Variants in RBFOX1 observed in about 807,000 individuals in gnomAD.
RBFOX1 encodes the protein RNA binding protein fox-1 homolog 1.
RBFOX1 carries 8 observed loss-of-function variants against 57.7 expected under a neutral mutation model. The observed-to-expected ratio is 0.14, with a 90% CI of 0.08 to 0.25. RBFOX1 has a LOEUF of 0.25. Ranked by LOEUF, RBFOX1 falls within the 10% of genes least tolerant of loss-of-function variation. The probability of loss-of-function intolerance (pLI) is 1.00; values close to 1 mark genes in which losing one functional copy is unlikely to be tolerated. For missense variants in RBFOX1, 611 were observed against 548.5 expected (o/e 1.11, Z -1.14); for synonymous variants, 326 against 222.4 (o/e 1.47, Z -4.15).
At chr16:7,209,262 G>C (rs2090631122) in intron 4 of RBFOX1, among the ~76,000 whole-genome samples, 1 of 152,020 alleles carries the variant, frequency 6.6e-6, no homozygotes, top group Admixed American at 6.5e-5. Context: ...TTGAACCCAA[G>C]AGGCAGAGGT....
At chr16:6,456,402 G>A (rs1346902722) in intron 2 of RBFOX1, among the ~76,000 whole-genome samples, 1 of 152,120 alleles carries the variant, frequency 6.6e-6, no homozygotes. Flanking sequence ...CTGAAGTTCT[G>A]GGCTCAAGCA....
chr16:6,927,501 C>G (rs1031518326), intron 3 of RBFOX1, among the ~76,000 whole-genome samples: 1 of 148,342 alleles, frequency 6.7e-6, no homozygotes, highest in Non-Finnish European at 1.5e-5. Context: ...CTCTTTCTTT[C>G]CACATGGAAG....
At chr16:6,949,198 A>G (rs2080187846) in intron 3 of RBFOX1, among the ~76,000 whole-genome samples, 1 of 152,168 alleles carries the variant, frequency 6.6e-6, no homozygotes, top group African/African-American at 2.4e-5. Context: ...AAAAGCTACA[A>G]AAGCTAAATT....
chr16:7,002,294 C>T lies in RBFOX1; in HGVS notation c.-15-49763C>T, dbSNP rs28408354. ...TTTGGAACTTTGCAAGCATGTGAGCCAGTGCATTTTCTTGTATCCTCTAAA... is the reference window on the plus strand; with the variant it reads ...TTTGGAACTTTGCAAGCATGTGAGCTAGTGCATTTTCTTGTATCCTCTAAA... On this transcript the variant is annotated intron_variant, in intron 3 of 15. Coordinates refer to ENST00000550418, the MANE Select transcript of RBFOX1 (RefSeq NM_018723.4). Among the ~76,000 whole-genome samples, 466 of 152,304 alleles carry T rather than the reference C, an allele frequency of 3.1e-3. 5 individuals are homozygous for T. The highest frequency in any genetic ancestry group is 0.011 in the African/African-American group (448 of 41,550).
chr16:6,516,967 A>G (rs150204844), intron 2 of RBFOX1, among the ~76,000 whole-genome samples: 1 of 152,294 alleles, frequency 6.6e-6, no homozygotes, highest in East Asian at 1.9e-4. Flanking sequence ...GGGGGCAGAG[A>G]TAAAGTATGA....
At chr16:7,345,567 C>T (rs1244628286) in intron 4 of RBFOX1, among the ~76,000 whole-genome samples, 1 of 152,128 alleles carries the variant, frequency 6.6e-6, no homozygotes, top group Non-Finnish European at 1.5e-5. Context: ...TGTGGGCGCC[C>T]AGCAGATGTT....
intron 3 of RBFOX1, among the ~76,000 whole-genome samples, chr16:5,845,689 A>G (rs1164190151): frequency 6.6e-6 from 1 of 152,170 alleles, no homozygotes; most frequent in Non-Finnish European, 1.5e-5. Flanking sequence ...TTAAGATGAA[A>G]CTTAAAATCC....
intron 3 of RBFOX1, among the ~76,000 whole-genome samples, chr16:6,833,605 G>A (rs1322506142): frequency 1.3e-5 from 2 of 152,184 alleles, no homozygotes. Context: ...TTAGTATGTT[G>A]TTAAAGTTAC....
rs184787824 is a variant in RBFOX1, at chr16:7,491,915, T to C, written c.28-26232T>C. Among the ~76,000 whole-genome samples the C allele has an allele frequency of 2.0e-3, 312 of 152,334 alleles. 1 individual carries two copies. The highest frequency in any genetic ancestry group is 3.5e-3 in the South Asian group (17 of 4,830). Reference sequence around the variant, plus strand: ...TCTTCCAAATCTGGCTAATTTTCATTGTACCACTCCGTGTGTTCCTTTTTT... The same window carrying C: ...TCTTCCAAATCTGGCTAATTTTCATCGTACCACTCCGTGTGTTCCTTTTTT... On this transcript the variant is annotated intron_variant, in intron 4 of 15. Coordinates refer to ENST00000550418, the MANE Select transcript of RBFOX1 (RefSeq NM_018723.4).
At chr16:7,177,538 G>C (rs973904250) in intron 4 of RBFOX1, among the ~76,000 whole-genome samples, 2 of 151,980 alleles carry the variant, frequency 1.3e-5, no homozygotes, top group Non-Finnish European at 2.9e-5. Flanking sequence ...GCTTTATATG[G>C]TTTTCTACCT....
chr16:6,346,495 C>A (rs75048589), intron 2 of RBFOX1, among the ~76,000 whole-genome samples: 56 of 142,688 alleles, frequency 3.9e-4, no homozygotes, highest in African/African-American at 1.4e-3. Context: ...ACTGTTCCAA[C>A]GAGGCAAGGC....
At chr16:6,440,685 C>T (rs188075529) in intron 2 of RBFOX1, among the ~76,000 whole-genome samples, 35 of 151,572 alleles carry the variant, frequency 2.3e-4, no homozygotes, top group Admixed American at 1.6e-3. Context: ...TCTGTAGTCC[C>T]AACTACTTGG....
rs181736462 is a variant in RBFOX1, at chr16:6,181,078, T to C, written c.-126-135917T>C. On this transcript the variant is annotated intron_variant, in intron 1 of 15. Coordinates refer to ENST00000550418, the MANE Select transcript of RBFOX1 (RefSeq NM_018723.4). Reference sequence around the variant, plus strand: ...AGTATTTAGACTCTACTGGTTCCTTTGGTATCACCTCTGCATCTGCACACT... The same window carrying C: ...AGTATTTAGACTCTACTGGTTCCTTCGGTATCACCTCTGCATCTGCACACT... 5.9e-5 allele frequency among the ~76,000 whole-genome samples: 9 copies of C among 152,310 alleles called. No homozygotes were observed. The East Asian group carries it at 1.5e-3, about 26-fold the overall frequency.
At chr16:7,007,259 C>G (rs1447064903) in intron 3 of RBFOX1, among the ~76,000 whole-genome samples, 7 of 152,148 alleles carry the variant, frequency 4.6e-5, no homozygotes, top group Non-Finnish European at 8.8e-5. Context: ...TTTTTACGTC[C>G]TTTTGTGAAG....
intron 3 of RBFOX1, among the ~76,000 whole-genome samples, chr16:6,831,849 T>A (rs546815462): frequency 2.6e-4 from 40 of 152,288 alleles, no homozygotes; most frequent in African/African-American, 9.4e-4. Flanking sequence ...CAGCTGTGAA[T>A]GCTAGGGAGC....
At position 7,669,178 on chromosome 16, in the gene RBFOX1, A is replaced by G. The variant is rs111939886; in HGVS notation, c.930+4210A>G. ...CTTGGCCTCCCAAAGTGCTGGGATT[A>G]CAGGTGTGACCCACCATGACTGACC... On this transcript the variant is annotated intron_variant, in intron 13 of 15. Transcript: ENST00000550418. Among the ~76,000 whole-genome samples, 1,341 of 152,332 alleles carry G rather than the reference A, an allele frequency of 8.8e-3. 21 individuals are homozygous for G. Among genetic ancestry groups the G allele is most frequent in the African/African-American group, 0.031 (1,289 of 41,586 alleles).
intron 2 of RBFOX1, among the ~76,000 whole-genome samples, chr16:6,650,085 A>G (rs1198792525): frequency 6.6e-6 from 1 of 152,168 alleles, no homozygotes; most frequent in African/African-American, 2.4e-5. Flanking sequence ...GTGAATATGC[A>G]GTAGTCGGAT....
rs550598717 is a variant in RBFOX1 at position 6,145,282 on chromosome 16, C to T, written c.-127+125290C>T. On this transcript the variant is annotated intron_variant, in intron 1 of 15. Coordinates refer to ENST00000550418, the MANE Select transcript of RBFOX1 (RefSeq NM_018723.4). The stretch of plus-strand genomic sequence containing the variant: ...GCTCCCACTTATAAGTGAGAGCATG[C>T]AGTATTTGGTTTTCTGTTCCTCCAT... Among the ~76,000 whole-genome samples, 6 of 152,156 alleles carry T rather than the reference C, an allele frequency of 3.9e-5. No homozygotes were observed. In the East Asian group the frequency reaches 5.8e-4, roughly 15 times the overall value.
chr16:6,539,093 C>G (rs971241367), intron 2 of RBFOX1, among the ~76,000 whole-genome samples: 2 of 151,226 alleles, frequency 1.3e-5, no homozygotes, highest in African/African-American at 2.4e-5. Flanking sequence ...TCCTTTGACC[C>G]TGGCAGAAAG....
Sources: allele counts gnomAD v4.1 joint callset (sites outside exome capture counted in the v4.1 genomes callset), GRCh38; gene constraint gnomAD v4.1.1; transcripts MANE v1.5; gene names NCBI Gene and HGNC (gene_info 2026-07-23, HGNC 2026-07-21).